The following DIS3L2 variants were observed in gnomAD, a reference collection of about 807,000 sequenced individuals.
The protein encoded by DIS3L2 is DIS3 like 3'-5' exoribonuclease 2, also known as DIS3-like exonuclease 2.
DIS3L2 carries 34 observed loss-of-function variants against 97.5 expected under a neutral mutation model. That is an observed-to-expected ratio of 0.35 (90% CI 0.27 to 0.46). The LOEUF (loss-of-function observed/expected upper bound fraction) is 0.46, where lower values mean the gene tolerates loss of function less well. Among genes scored for constraint, DIS3L2 ranks in the 20% least tolerant of loss-of-function variants. The probability of loss-of-function intolerance (pLI) is 1.00; values close to 1 mark genes in which losing one functional copy is unlikely to be tolerated. For missense variants in DIS3L2, 1,038 were observed against 1,146.0 expected (o/e 0.91, Z 1.36); for synonymous variants, 435 against 445.2 (o/e 0.98, Z 0.29).
chr2:232,205,396 A>G (rs1692003120), intron 9 of DIS3L2, among the ~76,000 whole-genome samples: 1 of 151,894 alleles, frequency 6.6e-6, no homozygotes, highest in South Asian at 2.1e-4. Context: ...AAGTAATAGT[A>G]GACTACTCCT....
chr2:232,042,466 G>GA (rs1695135597), intron 5 of DIS3L2, among the ~76,000 whole-genome samples: 2 of 152,224 alleles, frequency 1.3e-5, no homozygotes, highest in South Asian at 4.2e-4. Context: ...GCCTGAAAAA[G>GA]ACTTGGAAGG....
rs1416400844 is a variant in DIS3L2, at chr2:232,014,840, G to T, written c.-88G>T. On this transcript the variant is annotated 5_prime_UTR_variant, in exon 2 of 21. An upstream start codon of the reference 5' UTR is lost. Coordinates refer to ENST00000325385, the MANE Select transcript of DIS3L2 (RefSeq NM_152383.5). Reference sequence around the variant, plus strand: ...CAATCTCTTCTTGGTTTCAGCGAATGACAACAGAGCTGCTCAAGGCGGGAA... The same window carrying T: ...CAATCTCTTCTTGGTTTCAGCGAATTACAACAGAGCTGCTCAAGGCGGGAA... 4 of 1,418,870 alleles carry T rather than the reference G, an allele frequency of 2.8e-6. No individual in the cohort carries two copies. The African/African-American group carries it at 4.3e-5, about 15-fold the overall frequency. The allele number at this position is 1,418,870 out of a possible 1,614,324, so 87.9% of individuals were successfully genotyped here.
chr2:231,990,947 A>C (rs111328767), intron 1 of DIS3L2, among the ~76,000 whole-genome samples: 2,991 of 152,254 alleles, frequency 0.02, 53 homozygotes, highest in Middle Eastern at 0.041. Flanking sequence ...AAGCGAGAGA[A>C]AGTTTAGTTG....
intron 1 of DIS3L2, among the ~76,000 whole-genome samples, chr2:231,992,569 AC>A (rs749842396): frequency 9.2e-5 from 14 of 152,070 alleles, no homozygotes; most frequent in Middle Eastern, 6.8e-3. Flanking sequence ...CACGAACTCC[AC>A]ATCCCCCCAG....
At chr2:232,168,330 A>G (rs1159910543) in intron 9 of DIS3L2, among the ~76,000 whole-genome samples, 2 of 152,170 alleles carry the variant, frequency 1.3e-5, no homozygotes, top group Non-Finnish European at 2.9e-5. Context: ...TAGGTAACAT[A>G]TGACTGATAG....
intron 1 of DIS3L2, among the ~76,000 whole-genome samples, chr2:232,002,313 T>C (rs1693931729): frequency 6.6e-6 from 1 of 152,246 alleles, no homozygotes; most frequent in African/African-American, 2.4e-5. Flanking sequence ...TGCCTCAGGC[T>C]TTATTCTTTT....
At position 232,221,367 on chromosome 2, in the gene DIS3L2, G is replaced by A. The variant is rs143285282; in HGVS notation, c.1204+10962G>A. ...AAACTTTCCTAATTAAATGTGAGGT[G>A]CTTCCCATGGTACAGTCTTCAATTT... On this transcript the variant is annotated intron_variant, in intron 10 of 20. Coordinates refer to ENST00000325385, the MANE Select transcript of DIS3L2 (RefSeq NM_152383.5). Among the ~76,000 whole-genome samples the A allele has an allele frequency of 6.0e-4, 91 of 152,286 alleles. 1 individual carries two copies. The East Asian group carries it at 0.017, about 29-fold the overall frequency.
chr2:232,256,198 G>C (rs193138737), intron 12 of DIS3L2, among the ~76,000 whole-genome samples: 114 of 152,296 alleles, frequency 7.5e-4, no homozygotes, highest in African/African-American at 2.6e-3. Flanking sequence ...CCTGTCTTCT[G>C]TGCTGGAAAT....
intron 19 of DIS3L2, 181 bp downstream of exon 19, chr2:232,334,916 A>G: frequency 8.5e-6 from 5 of 589,822 alleles, no homozygotes; most frequent in Non-Finnish European, 1.5e-5. Context: ...CTCCAGGCCC[A>G]GGGTCAGGCC....
chr2:232,123,494 T>C (rs545764015), intron 6 of DIS3L2, among the ~76,000 whole-genome samples: 4 of 151,852 alleles, frequency 2.6e-5, no homozygotes, highest in South Asian at 2.1e-4. Context: ...GCTTACACTG[T>C]CCCCCTCCCC....
chr2:232,085,381 G>C (rs766462152), intron 5 of DIS3L2, among the ~76,000 whole-genome samples: 4 of 152,202 alleles, frequency 2.6e-5, no homozygotes, highest in Non-Finnish European at 5.9e-5. Flanking sequence ...TGAGTAAATT[G>C]TTCATCATTT....
intron 9 of DIS3L2, among the ~76,000 whole-genome samples, chr2:232,181,197 G>C (rs923175135): frequency 6.7e-6 from 1 of 148,722 alleles, no homozygotes; most frequent in African/African-American, 2.5e-5. Flanking sequence ...AGTCTGATGG[G>C]CTTCCCTTTG....
intron 1 of DIS3L2, among the ~76,000 whole-genome samples, chr2:231,973,428 T>G (rs77931584): frequency 3.1e-3 from 471 of 152,316 alleles, no homozygotes; most frequent in African/African-American, 0.011. Flanking sequence ...TTTCATAGTT[T>G]AATATTGGGA....
At chr2:232,217,550 G>T (rs1692374818) in intron 10 of DIS3L2, among the ~76,000 whole-genome samples, 1 of 152,198 alleles carries the variant, frequency 6.6e-6, no homozygotes, top group Non-Finnish European at 1.5e-5. Flanking sequence ...CAGGCTCCAG[G>T]GTGGTTTACT....
rs2106309596 is a variant in DIS3L2 at position 232,087,656 on chromosome 2, A to G, written c.536A>G (p.His179Arg). ...GATGGCAGCGACTCAGAAGATGGAC[A>G]TGGCATCACACAAAATGTGCTGGTT... Reference protein sequence around the residue: ...QFDGSDSEDGHGITQNVLVDG... With the variant: ...QFDGSDSEDGRGITQNVLVDG... The change falls in exon 6 of 21, where the codon CAT becomes CGT. Residue 179 changes from histidine (H) to arginine (R), a missense_variant. By Grantham distance (29) the His-to-Arg change is conservative. Transcript: ENST00000325385. 1 of 1,614,184 alleles carries G rather than the reference A, an allele frequency of 6.2e-7. No individual in the cohort carries two copies. The highest frequency in any genetic ancestry group is 1.7e-5 in the Admixed American group (1 of 60,026).
chr2:232,329,787 C>CCGGGGGGGGGGG, intron 14 of DIS3L2, 26 bp from the exon 15 acceptor site: 2 of 1,062,210 alleles, frequency 1.9e-6, no homozygotes, highest in Non-Finnish European at 2.6e-6. Context: ...CCCAGCGGTC[C>CCGGGGGGGGGGG]CTCCCATCCC....
chr2:232,109,357 C>T (rs543382282), intron 6 of DIS3L2, among the ~76,000 whole-genome samples: 1 of 152,212 alleles, frequency 6.6e-6, no homozygotes, highest in Admixed American at 6.5e-5. Flanking sequence ...AGGAGAATTG[C>T]TTGAACCAGG....
intron 5 of DIS3L2, among the ~76,000 whole-genome samples, chr2:232,080,522 C>G (rs972917578): frequency 1.3e-5 from 2 of 152,082 alleles, no homozygotes; most frequent in Non-Finnish European, 2.9e-5. Flanking sequence ...ACAGTCATAA[C>G]GAATTAATGA....
intron 9 of DIS3L2, among the ~76,000 whole-genome samples, chr2:232,205,887 T>C (rs1208936389): frequency 6.6e-6 from 1 of 151,986 alleles, no homozygotes; most frequent in Non-Finnish European, 1.5e-5. Flanking sequence ...ACAAGTAGAG[T>C]GTTTCCTTAT....
Sources: gnomAD v4.1 joint callset for allele counts (sites outside exome capture counted in the v4.1 genomes callset) on GRCh38, gnomAD v4.1.1 for gene constraint, MANE v1.5 for transcripts, NCBI Gene and HGNC (gene_info 2026-07-23, HGNC 2026-07-21) for gene names.